Variants in AARS1 observed in about 807,000 individuals in gnomAD.
AARS1 encodes the protein alanyl-tRNA synthetase 1.
Under a neutral mutation model 108.9 loss-of-function variants are expected in AARS1, and 72 were observed. That is an observed-to-expected ratio of 0.66 (90% confidence interval 0.55 to 0.80). AARS1 has a LOEUF of 0.80. Ranked by LOEUF, AARS1 falls within the 30% of genes least tolerant of loss-of-function variation. The probability of loss-of-function intolerance (pLI) is 0.00; values close to 1 mark genes in which losing one functional copy is unlikely to be tolerated. For missense variants in AARS1, 1,193 were observed against 1,233.2 expected, an observed-to-expected ratio of 0.97 and a Z score of 0.49; for synonymous variants, 489 against 465.7, an observed-to-expected ratio of 1.05 and a Z score of -0.64.
At chr16:70,260,903 C>A (rs554248034) in intron 13 of AARS1, 141 bp downstream of exon 13, 16 of 636,332 alleles carry the variant, frequency 2.5e-5, no homozygotes, top group African/African-American at 1.8e-4. Context: ...ACCTCATGAT[C>A]CACCCGCCTC....
rs763245293 is a variant in AARS1 at position 70,252,709 on chromosome 16, C to T, written c.*12G>A. 1.2e-6 allele frequency: 2 copies of T among 1,613,668 alleles called. No individual in the cohort carries two copies. The highest frequency in any genetic ancestry group is 1.7e-5 in the Admixed American group (1 of 60,026). On this transcript the variant is annotated 3_prime_UTR_variant, in exon 21 of 21. Coordinates refer to ENST00000261772, the MANE Select transcript of AARS1 (RefSeq NM_001605.3). The stretch of plus-strand genomic sequence containing the variant: ...GACGGATGGATCCAGTGGGAGCCTC[C>T]TCCTTCCCCACTCAGTTCTTTACAT...
At chr16:70,264,917 G>A (rs780975090) in intron 11 of AARS1, 41 bp downstream of exon 11, 35 of 1,613,108 alleles carry the variant, frequency 2.2e-5, no homozygotes, top group Middle Eastern at 1.6e-4. Context: ...CCCCAGATAC[G>A]GGGCAGAATG....
At chr16:70,288,766 C>T (rs1326522364) in intron 1 of AARS1, among the ~76,000 whole-genome samples, 2 of 151,664 alleles carry the variant, frequency 1.3e-5, no homozygotes, top group East Asian at 1.9e-4. Context: ...GGGGTTTCAC[C>T]ATGTTGGCCA....
At chr16:70,268,953 T>G (rs1336259570) in intron 7 of AARS1, among the ~76,000 whole-genome samples, 1 of 152,154 alleles carries the variant, frequency 6.6e-6, no homozygotes, top group Non-Finnish European at 1.5e-5. Flanking sequence ...ACACCTGTAA[T>G]CCCATCACTT....
chr16:70,271,890 T>C lies in AARS1; in HGVS notation c.562A>G (p.Ser188Gly). The C allele has an allele frequency of 6.2e-7, 1 of 1,614,080 alleles. No individual in the cohort carries two copies. Among genetic ancestry groups the C allele is most frequent in the Non-Finnish European group, 8.5e-7 (1 of 1,179,958 alleles). The change falls in exon 5 of 21, where the codon AGT becomes GGT. Residue 188 changes from serine (S) to glycine (G), a missense_variant. By Grantham distance (56) the Ser-to-Gly change is moderately conservative. Coordinates refer to ENST00000261772, the MANE Select transcript of AARS1 (RefSeq NM_001605.3). Reference sequence around the variant, plus strand: ...CCAATCCGGTCGTAGTGGATCTCACTGCAAGGACCACAGGGGCCCGTGTCA... The same window carrying C: ...CCAATCCGGTCGTAGTGGATCTCACCGCAAGGACCACAGGGGCCCGTGTCA... ...MGDTGPCGPC[S>G]EIHYDRIGGR...
chr16:70,263,936 T>C (rs989899945), intron 11 of AARS1, among the ~76,000 whole-genome samples: 1 of 152,100 alleles, frequency 6.6e-6, no homozygotes, highest in African/African-American at 2.4e-5. Flanking sequence ...TGCACTGGCT[T>C]TGTTTCTTAA....
intron 2 of AARS1, among the ~76,000 whole-genome samples, chr16:70,280,186 G>C (rs867588837): frequency 1.1e-4 from 16 of 152,234 alleles, no homozygotes; most frequent in South Asian, 8.3e-4. Flanking sequence ...CAAAATGCTG[G>C]AATTACAGGC....
chr16:70,257,699 C>T (rs914180624), intron 15 of AARS1, among the ~76,000 whole-genome samples: 3 of 152,200 alleles, frequency 2.0e-5, no homozygotes, highest in African/African-American at 7.2e-5. Flanking sequence ...AAGAGCTCAA[C>T]AAGCACTCCA....
In AARS1 at chr16:70,283,731, A is replaced by T. The variant is rs1960767940; in HGVS notation, c.-21-947T>A. 2.6e-5 allele frequency among the ~76,000 whole-genome samples: 4 copies of T among 152,272 alleles called. No individual in the cohort carries two copies. In the South Asian group the frequency reaches 8.3e-4, roughly 32 times the overall value. On this transcript the variant is annotated intron_variant, in intron 1 of 20. Coordinates refer to ENST00000261772, the MANE Select transcript of AARS1 (RefSeq NM_001605.3). The stretch of plus-strand genomic sequence containing the variant: ...CCTATCTGTACAAGGGACCACCTGT[A>T]TGTAGCAGGAATGTACCTACCTCTA...
At chr16:70,284,744 G>A (rs950448128) in intron 1 of AARS1, among the ~76,000 whole-genome samples, 1 of 152,192 alleles carries the variant, frequency 6.6e-6, no homozygotes, top group African/African-American at 2.4e-5. Flanking sequence ...CTAGAAAAAT[G>A]AGAACCATCT....
intron 12 of AARS1, 22 bp from the exon 13 acceptor site, chr16:70,261,179 A>G: frequency 6.5e-7 from 1 of 1,542,742 alleles, no homozygotes; most frequent in Non-Finnish European, 9.0e-7. Flanking sequence ...CAAGGAAGAG[A>G]CCAATAAATA....
At chr16:70,273,959 C>A (rs147195930) in intron 4 of AARS1, among the ~76,000 whole-genome samples, 22 of 149,708 alleles carry the variant, frequency 1.5e-4, no homozygotes, top group African/African-American at 5.4e-4. Flanking sequence ...ATCGCCTGAG[C>A]TCAGGCAGTA....
At chr16:70,278,530 A>G (rs1376236178) in intron 2 of AARS1, among the ~76,000 whole-genome samples, 1 of 150,150 alleles carries the variant, frequency 6.7e-6, no homozygotes, top group Non-Finnish European at 1.5e-5. Flanking sequence ...GTGCCACTCT[A>G]CTCCAGCCTG....
At chr16:70,264,853 G>A in intron 11 of AARS1, 105 bp downstream of exon 11, 1 of 1,427,436 alleles carries the variant, frequency 7.0e-7, no homozygotes, top group South Asian at 1.2e-5. Context: ...CTCCAGGAGA[G>A]GCTGTCAGCA....
chr16:70,267,282 C>T (rs574938855), intron 9 of AARS1, among the ~76,000 whole-genome samples: 9 of 152,296 alleles, frequency 5.9e-5, no homozygotes, highest in African/African-American at 2.2e-4. Flanking sequence ...CAAAACAGTA[C>T]ATACCAAATA....
At chr16:70,260,735 T>C (rs1960112566) in intron 13 of AARS1, among the ~76,000 whole-genome samples, 1 of 151,856 alleles carries the variant, frequency 6.6e-6, no homozygotes, top group Non-Finnish European at 1.5e-5. Flanking sequence ...GGATCTTGGC[T>C]CACTGCAAGC....
At chr16:70,288,455 C>G (rs1960924495) in intron 1 of AARS1, among the ~76,000 whole-genome samples, 1 of 151,830 alleles carries the variant, frequency 6.6e-6, no homozygotes, top group Non-Finnish European at 1.5e-5. Context: ...TGTCTCACAG[C>G]CTCAAGTGTT....
intron 1 of AARS1, among the ~76,000 whole-genome samples, chr16:70,283,415 G>GA (rs936953665): frequency 1.4e-3 from 197 of 137,986 alleles, no homozygotes; most frequent in African/African-American, 4.2e-3. Context: ...AAAAAAGAAG[G>GA]AAAAAAAAAA....
At chr16:70,261,969 G>A (rs533662721) in intron 12 of AARS1, among the ~76,000 whole-genome samples, 12 of 152,084 alleles carry the variant, frequency 7.9e-5, no homozygotes, top group Admixed American at 3.9e-4. Flanking sequence ...ACACCCAGCC[G>A]CATCTTTGAG....
Sources: allele counts gnomAD v4.1 joint callset (sites outside exome capture counted in the v4.1 genomes callset), GRCh38; gene constraint gnomAD v4.1.1; transcripts MANE v1.5; gene names NCBI Gene and HGNC (gene_info 2026-07-23, HGNC 2026-07-21).